The following ANO2 variants were observed in gnomAD, a reference collection of about 807,000 sequenced individuals.
ANO2 encodes the protein anoctamin-2.
In ANO2, 101 loss-of-function variants were observed where a neutral mutation model predicts 124.2. The ratio of observed to expected loss-of-function variants is 0.81; its 90% CI spans 0.69 to 0.96. The LOEUF is 0.96. Ranked by LOEUF, ANO2 falls within the 40% of genes least tolerant of loss-of-function variation. The pLI is 0.00. For synonymous variants in ANO2, 486 were observed against 482.5 expected (o/e 1.01, Z -0.09); for missense variants, 1,293 against 1,274.5 (o/e 1.01, Z -0.22).
chr12:5,826,032 CAT>C (rs1247436647), intron 7 of ANO2, among the ~76,000 whole-genome samples: 2 of 152,196 alleles, frequency 1.3e-5, no homozygotes, highest in Admixed American at 6.5e-5. Flanking sequence ...TTGTTAAAAA[CAT>C]GTTTGTGCAT....
chr12:5,827,829 G>C lies in ANO2; in HGVS notation c.841-9C>G, dbSNP rs1591663978. 6.2e-7 allele frequency: 1 copy of C among 1,609,064 alleles called. No homozygotes were observed. The highest frequency in any genetic ancestry group is 8.5e-7 in the Non-Finnish European group (1 of 1,177,958). ...TTCAGGATCTCGTGCACCTAAAAGG[G>C]GACGACAGCAGAGCTGTGAGCTCCT... On this transcript the variant is annotated splice_polypyrimidine_tract_variant and intron_variant, in intron 6 of 24. Transcript: ENST00000682330.
intron 8 of ANO2, among the ~76,000 whole-genome samples, chr12:5,807,046 TAGGG>T (rs1312681983): frequency 1.1e-4 from 17 of 152,084 alleles, no homozygotes; most frequent in Admixed American, 1.3e-4. Flanking sequence ...AAAATAAAGC[TAGGG>T]AGTACAAGAA....
intron 20 of ANO2, among the ~76,000 whole-genome samples, chr12:5,582,374 A>T (rs758515728): frequency 1.3e-5 from 2 of 152,226 alleles, no homozygotes; most frequent in Non-Finnish European, 2.9e-5. Flanking sequence ...CTTCTAGAAT[A>T]ACCATCAGCC....
At chr12:5,864,705 T>C (rs1668411495) in intron 3 of ANO2, among the ~76,000 whole-genome samples, 1 of 152,200 alleles carries the variant, frequency 6.6e-6, no homozygotes, top group Non-Finnish European at 1.5e-5. Flanking sequence ...CTGGCTGGCC[T>C]GGAACAGTCT....
At chr12:5,571,558 A>G (rs1942122471) in intron 23 of ANO2, among the ~76,000 whole-genome samples, 1 of 152,178 alleles carries the variant, frequency 6.6e-6, no homozygotes, top group South Asian at 2.1e-4. Context: ...TCCCAACGCT[A>G]TTTGCCAGAA....
At chr12:5,668,327 T>A (rs1426269159) in intron 14 of ANO2, among the ~76,000 whole-genome samples, 1 of 152,246 alleles carries the variant, frequency 6.6e-6, no homozygotes, top group Non-Finnish European at 1.5e-5. Flanking sequence ...TTTATTCATA[T>A]GTTTGTTGGC....
intron 1 of ANO2, among the ~76,000 whole-genome samples, chr12:5,930,831 A>G (rs1338263737): frequency 6.6e-6 from 1 of 152,138 alleles, no homozygotes; most frequent in Non-Finnish European, 1.5e-5. Context: ...AGCCACAGTA[A>G]CAGGACTGCT....
intron 4 of ANO2, among the ~76,000 whole-genome samples, chr12:5,837,818 C>T (rs55649817): frequency 2.0e-5 from 3 of 151,410 alleles, no homozygotes; most frequent in African/African-American, 7.3e-5. Context: ...AAAGGAAGAG[C>T]AAACACATTC....
At chr12:5,832,897 T>A (rs549446521) in intron 4 of ANO2, among the ~76,000 whole-genome samples, 75 of 152,344 alleles carry the variant, frequency 4.9e-4, no homozygotes, top group African/African-American at 1.8e-3. Context: ...ACTGCACACC[T>A]ACAATGTGAC....
At chr12:5,640,317 G>T (rs941806823) in intron 15 of ANO2, among the ~76,000 whole-genome samples, 2 of 152,140 alleles carry the variant, frequency 1.3e-5, no homozygotes, top group East Asian at 1.9e-4. Flanking sequence ...TGGCTTACCC[G>T]AACTTTATCA....
rs183964791 is a variant in ANO2 at position 5,583,380 on chromosome 12, G to A, written c.2234-4862C>T. The stretch of plus-strand genomic sequence containing the variant: ...TTAAAAAAATGCTTTCTGGCTGGGC[G>A]CGGTGGCTCACGCCTGTAATCCCAG... On this transcript the variant is annotated intron_variant, in intron 20 of 24. Transcript: ENST00000682330. Among the ~76,000 whole-genome samples the A allele has an allele frequency of 6.9e-4, 105 of 152,236 alleles. 1 individual carries two copies. Among genetic ancestry groups the A allele is most frequent in the Admixed American group, 5.9e-3 (90 of 15,288 alleles).
intron 3 of ANO2, among the ~76,000 whole-genome samples, chr12:5,919,991 C>G (rs537745662): frequency 5.0e-4 from 76 of 150,752 alleles, no homozygotes; most frequent in African/African-American, 1.8e-3. Flanking sequence ...GTCACCGCGC[C>G]TGGCAAGGGA....
rs1946030659 is a variant in ANO2, at chr12:5,636,648, A to G, written c.1621-1301T>C. ...CACACACACACACACACACACACAC[A>G]CGCATGCACAGGGAGGGAGGCAGGA... On this transcript the variant is annotated intron_variant, in intron 15 of 24. Coordinates refer to ENST00000682330, the MANE Select transcript of ANO2 (RefSeq NM_001364791.2). This position sits in a 1 kb window ranked among gnomAD's most constrained non-coding sequence, Gnocchi z 4.6. 7.1e-6 allele frequency among the ~76,000 whole-genome samples: 1 copy of G among 140,608 alleles called. No homozygotes were observed. Among genetic ancestry groups the G allele is most frequent in the African/African-American group, 2.7e-5 (1 of 37,448 alleles). 92.2% of individuals were successfully genotyped at this position (140,608 alleles called of 152,430 possible). A position where few individuals can be genotyped will look rare whatever the true frequency, so the allele number is the denominator to read the frequency against.
chr12:5,860,835 C>T (rs1955246265), intron 3 of ANO2, among the ~76,000 whole-genome samples: 2 of 152,194 alleles, frequency 1.3e-5, no homozygotes, highest in Non-Finnish European at 2.9e-5. Context: ...GCTCACAAAA[C>T]ACAACCTGAA....
chr12:5,564,242 T>C (rs544779881), intron 24 of ANO2, among the ~76,000 whole-genome samples: 1 of 152,342 alleles, frequency 6.6e-6, no homozygotes, highest in Admixed American at 6.5e-5. Flanking sequence ...TGGCACACAC[T>C]TGCAGTGGAC....
rs184804208 is a variant in ANO2 at position 5,778,067 on chromosome 12, A to T, written c.1055+21440T>A. Among the ~76,000 whole-genome samples the T allele has an allele frequency of 3.1e-4, 47 of 152,362 alleles. No individual in the cohort carries two copies. The East Asian group carries it at 7.7e-3, about 25-fold the overall frequency. Reference sequence around the variant, plus strand: ...ACATCAAAAGGAATGCCCAGTTGTAATCCACTGTTATAACAAAGCAGATTA... The same window carrying T: ...ACATCAAAAGGAATGCCCAGTTGTATTCCACTGTTATAACAAAGCAGATTA... On this transcript the variant is annotated intron_variant, in intron 10 of 24. Transcript: ENST00000682330.
At position 5,720,940 on chromosome 12, in the gene ANO2, C is replaced by A. The variant is rs1432967412; in HGVS notation, c.1545+11580G>T. 9.2e-5 allele frequency among the ~76,000 whole-genome samples: 14 copies of A among 152,170 alleles called. 1 individual carries two copies. The highest frequency in any genetic ancestry group is 9.2e-4 in the Admixed American group (14 of 15,282). On this transcript the variant is annotated intron_variant, in intron 14 of 24. Coordinates refer to ENST00000682330, the MANE Select transcript of ANO2 (RefSeq NM_001364791.2). The stretch of plus-strand genomic sequence containing the variant: ...ACTCTCAGTTGAAGTGGACCAGGGC[C>A]CCCCATCTGATGGCCTGGGCCACCC...
chr12:5,696,018 G>GA (rs1949159552), intron 14 of ANO2, among the ~76,000 whole-genome samples: 1 of 151,946 alleles, frequency 6.6e-6, no homozygotes, highest in Admixed American at 6.5e-5. Context: ...AATAGTAAAT[G>GA]AAAAAACTAA....
chr12:5,818,331 C>T (rs1319534291), intron 7 of ANO2, among the ~76,000 whole-genome samples: 1 of 151,652 alleles, frequency 6.6e-6, no homozygotes, highest in East Asian at 1.9e-4. Flanking sequence ...CTGGACCCTT[C>T]CTGCCCTCAA....
Sources: gnomAD v4.1 joint callset for allele counts (sites outside exome capture counted in the v4.1 genomes callset) on GRCh38, gnomAD v4.1.1 for gene constraint, Gnocchi (gnomAD v3.1) non-coding constraint, MANE v1.5 for transcripts, NCBI Gene and HGNC (gene_info 2026-07-23, HGNC 2026-07-21) for gene names.